The following FUNDC2 variants were observed in gnomAD, a reference collection of about 807,000 sequenced individuals.
FUNDC2 encodes FUN14 domain containing 2, also known as FUN14 domain-containing protein 2.
Under a neutral mutation model 15.6 loss-of-function variants are expected in FUNDC2, and 4 were observed. The observed-to-expected ratio is 0.26, with a 90% CI of 0.13 to 0.59. The LOEUF is 0.59. FUNDC2 is among the 20% of genes least tolerant of loss of function. The pLI is 0.90. For synonymous variants in FUNDC2, 44 were observed against 56.9 expected, an observed-to-expected ratio of 0.77 and a Z score of 1.02; for missense variants, 98 against 149.7, an observed-to-expected ratio of 0.65 and a Z score of 1.80.
Position 155,033,490 on chromosome X carries a change from C to G in FUNDC2, c.221C>G (p.Ser74Cys). 2 of 1,211,551 alleles carry G rather than the reference C, an allele frequency of 1.7e-6. No homozygotes were observed. The highest frequency in any genetic ancestry group is 2.2e-6 in the Non-Finnish European group (2 of 894,967). The change falls in exon 2 of 5, where the codon TCT (serine) becomes TGT (cysteine). Residue 74 changes from serine (S) to cysteine (C), a missense_variant. Coordinates refer to ENST00000369498, the MANE Select transcript of FUNDC2 (RefSeq NM_023934.4). ...PWWRKLFGQE[S>C]GPSAEKYSVA... is the part of the protein sequence containing the mutation. ...TGGCGTAAGCTGTTCGGGCAGGAAT[C>G]TGGACCTTCAGCAGAAAAGTATAGC...
In FUNDC2 at chrX:155,058,228, G is replaced by C. The variant is rs1373859122; in HGVS notation, c.*3556G>C. 2 of 111,541 alleles carry C rather than the reference G, an allele frequency of 1.8e-5. No individual in the cohort carries two copies. Among genetic ancestry groups the C allele is most frequent in the African/African-American group, 6.5e-5 (2 of 30,577 alleles). 9.2% of individuals were successfully genotyped at this position (111,541 alleles called of 1,213,427 possible). On this transcript the variant is annotated 3_prime_UTR_variant, in exon 5 of 5. Coordinates refer to ENST00000369498, the MANE Select transcript of FUNDC2 (RefSeq NM_023934.4). Reference sequence around the variant, plus strand: ...GAAGACGATTCAAGTTGGCGGACTAGATTCTACAAGGAATGATCTCTTGCA... The same window carrying C: ...GAAGACGATTCAAGTTGGCGGACTACATTCTACAAGGAATGATCTCTTGCA...
In FUNDC2 at chrX:155,026,850, G is replaced by A. The variant is rs2073793109; in HGVS notation, c.-89G>A. The A allele has an allele frequency of 1.8e-6, 2 of 1,125,408 alleles. No individual in the cohort carries two copies. Among genetic ancestry groups the A allele is most frequent in the Admixed American group, 2.8e-5 (1 of 36,359 alleles). The allele number at this position is 1,125,408 out of a possible 1,213,427, so 92.7% of individuals were successfully genotyped here. ...GCGGGACCGCGGGGCCTGTGACACC[G>A]CACGCTGAGCTCTGTGATGTAGCCG... On this transcript the variant is annotated 5_prime_UTR_variant, in exon 1 of 5. Coordinates refer to ENST00000369498, the MANE Select transcript of FUNDC2 (RefSeq NM_023934.4).
chrX:155,044,835 C>T (rs1221281991), intron 2 of FUNDC2, among the ~76,000 whole-genome samples: 1 of 111,734 alleles, frequency 8.9e-6, no homozygotes, highest in Non-Finnish European at 1.9e-5. Context: ...AACTACCATG[C>T]GACCCAGCAA....
intron 1 of FUNDC2, among the ~76,000 whole-genome samples, chrX:155,032,288 T>C: frequency 1.0e-5 from 1 of 97,410 alleles, no homozygotes; most frequent in East Asian, 4.0e-4. Context: ...TTCTTTTTTT[T>C]TTTTTTTTTT....
chrX:155,057,124 G>A lies in FUNDC2; in HGVS notation c.*2452G>A. 9.1e-6 allele frequency: 1 copy of A among 109,469 alleles called. No individual in the cohort carries two copies. Among genetic ancestry groups the A allele is most frequent in the African/African-American group, 3.3e-5 (1 of 30,050 alleles). The allele number at this position is 109,469 out of a possible 1,213,427, so 9.0% of individuals were successfully genotyped here. A position where few individuals can be genotyped will look rare whatever the true frequency, so the allele number is the denominator to read the frequency against. ...TGGGATTGTGCAGAGCTGGCATGGA[G>A]GTTGAACACGCACAGCTGCACACCT... On this transcript the variant is annotated 3_prime_UTR_variant, in exon 5 of 5. Transcript: ENST00000369498.
At chrX:155,030,830 C>T (rs2073812674) in intron 1 of FUNDC2, among the ~76,000 whole-genome samples, 2 of 108,025 alleles carry the variant, frequency 1.9e-5, no homozygotes, top group South Asian at 8.1e-4. Flanking sequence ...GGATTACAGG[C>T]GCCTGCCACT....
rs1557291427 is a variant in FUNDC2, at chrX:155,059,602, T to A, written c.*4930T>A. The stretch of plus-strand genomic sequence containing the variant: ...GATGGCTATTTTATTTTTTTGTATG[T>A]CATAATAATACCTAAGAATAAGAAG... On this transcript the variant is annotated 3_prime_UTR_variant, in exon 5 of 5. Coordinates refer to ENST00000369498, the MANE Select transcript of FUNDC2 (RefSeq NM_023934.4). 2 of 111,867 alleles carry A rather than the reference T, an allele frequency of 1.8e-5. No homozygotes were observed. 9.2% of individuals were successfully genotyped at this position (111,867 alleles called of 1,213,427 possible).
At chrX:155,048,639 T>C (rs886889312) in intron 3 of FUNDC2, among the ~76,000 whole-genome samples, 4 of 112,768 alleles carry the variant, frequency 3.5e-5, no homozygotes, top group Non-Finnish European at 7.5e-5. Context: ...TCAGTTATTT[T>C]CAAAAATCCT....
chrX:155,027,149 C>T, intron 1 of FUNDC2, 78 bp downstream of exon 1: 1 of 979,429 alleles, frequency 1.0e-6, no homozygotes, highest in Admixed American at 5.3e-5. Context: ...GCTCCGCGCC[C>T]GCCAGTCGCG....
intron 1 of FUNDC2, 81 bp from the exon 2 acceptor site, chrX:155,033,322 T>G (rs782312936): frequency 1.8e-4 from 133 of 744,186 alleles, no homozygotes; most frequent in Non-Finnish European, 2.5e-4. Flanking sequence ...CTTATTACAT[T>G]TATGTCTGTT....
At chrX:155,042,902 C>T (rs979460103) in intron 2 of FUNDC2, among the ~76,000 whole-genome samples, 1 of 110,774 alleles carries the variant, frequency 9.0e-6, no homozygotes, top group African/African-American at 3.3e-5. Context: ...CTATATTTTT[C>T]GTCTCGGACA....
intron 2 of FUNDC2, among the ~76,000 whole-genome samples, chrX:155,042,181 T>C (rs1237808330): frequency 1.4e-5 from 1 of 72,288 alleles, no homozygotes; most frequent in African/African-American, 5.7e-5. Context: ...CTATCTTTTT[T>C]TTTTTTTTTT....
rs1452294289 is a variant in FUNDC2, at chrX:155,055,897, G to C, written c.*1225G>C. The stretch of plus-strand genomic sequence containing the variant: ...ATGATCTCTTGTGAAATATGAGTGT[G>C]TTTCTAAGGCCATACATTTAAAAAT... On this transcript the variant is annotated 3_prime_UTR_variant, in exon 5 of 5. Coordinates refer to ENST00000369498, the MANE Select transcript of FUNDC2 (RefSeq NM_023934.4). 1.8e-5 allele frequency: 2 copies of C among 112,153 alleles called. No homozygotes were observed. Among genetic ancestry groups the C allele is most frequent in the African/African-American group, 6.5e-5 (2 of 30,848 alleles). The allele number at this position is 112,153 out of a possible 1,213,427, so 9.2% of individuals were successfully genotyped here.
chrX:155,034,156 C>T (rs1378242866), intron 2 of FUNDC2, among the ~76,000 whole-genome samples: 1 of 112,506 alleles, frequency 8.9e-6, no homozygotes, highest in Non-Finnish European at 1.9e-5. Context: ...AAAAACGTGG[C>T]TAGCGCCCTA....
chrX:155,042,161 T>C, intron 2 of FUNDC2, among the ~76,000 whole-genome samples: 1 of 103,639 alleles, frequency 9.6e-6, no homozygotes, highest in Non-Finnish European at 2.0e-5. Flanking sequence ...CTTGCTATAG[T>C]TTTCTTTTTC....
At chrX:155,045,111 A>G (rs994666581) in intron 2 of FUNDC2, among the ~76,000 whole-genome samples, 1 of 112,217 alleles carries the variant, frequency 8.9e-6, no homozygotes, top group Non-Finnish European at 1.9e-5. Flanking sequence ...AAGACAAAAT[A>G]CTGCATGATC....
rs1020577157 is a variant in FUNDC2, at chrX:155,058,478, A to G, written c.*3806A>G. The G allele has an allele frequency of 9.1e-5, 10 of 110,396 alleles. No individual in the cohort carries two copies. The highest frequency in any genetic ancestry group is 1.7e-4 in the Non-Finnish European group (9 of 52,828). 9.1% of individuals were successfully genotyped at this position (110,396 alleles called of 1,213,427 possible). ...AAAGATGGTATACTGATGGATTTGA[A>G]ATTTCTGAGTATCATCAATGTTTCA... On this transcript the variant is annotated 3_prime_UTR_variant, in exon 5 of 5. Transcript: ENST00000369498.
At position 155,056,544 on chromosome X, in the gene FUNDC2, A is replaced by G; in HGVS notation, c.*1872A>G. The G allele has an allele frequency of 9.6e-6, 1 of 104,565 alleles. No individual in the cohort carries two copies. Among genetic ancestry groups the G allele is most frequent in the Middle Eastern group, 5.1e-3 (1 of 196 alleles). The allele number at this position is 104,565 out of a possible 1,213,427, so 8.6% of individuals were successfully genotyped here. On this transcript the variant is annotated 3_prime_UTR_variant, in exon 5 of 5. Coordinates refer to ENST00000369498, the MANE Select transcript of FUNDC2 (RefSeq NM_023934.4). ...CTCTATTTTTTTTTTTTTGCTTGCT[A>G]TATATTTATATCTCTATATATATTG...
At chrX:155,051,502 A>AG (rs1304257922) in intron 3 of FUNDC2, 168 bp from the exon 4 acceptor site, 2 of 472,150 alleles carry the variant, frequency 4.2e-6, no homozygotes, top group East Asian at 3.8e-5. Context: ...CTTCGCATAT[A>AG]GGGGGGATGC....
Sources: allele counts gnomAD v4.1 joint callset (sites outside exome capture counted in the v4.1 genomes callset), GRCh38; gene constraint gnomAD v4.1.1; transcripts MANE v1.5; gene names NCBI Gene and HGNC (gene_info 2026-07-23, HGNC 2026-07-21).